EBF1: variants seen among roughly 807,000 people sequenced by gnomAD.
EBF1 encodes the protein EBF transcription factor 1.
In EBF1, 10 loss-of-function variants were observed where a neutral mutation model predicts 68.4. The ratio of observed to expected loss-of-function variants is 0.15; its 90% CI spans 0.09 to 0.25. EBF1 has a LOEUF of 0.25. Ranked by LOEUF, EBF1 falls within the 10% of genes least tolerant of loss-of-function variation. The pLI is 1.00. For missense variants in EBF1, 509 were observed against 794.4 expected (o/e 0.64, Z 4.32); for synonymous variants, 298 against 299.8 (o/e 0.99, Z 0.06).
Position 158,901,714 on chromosome 5 carries a change from T to C in EBF1, c.555-61604A>G, listed in dbSNP as rs144445312. 1.4e-4 allele frequency among the ~76,000 whole-genome samples: 22 copies of C among 152,326 alleles called. No individual in the cohort carries two copies. In the East Asian group the frequency reaches 3.9e-3, roughly 27 times the overall value. On this transcript the variant is annotated intron_variant, in intron 6 of 15. Transcript: ENST00000313708. Reference sequence around the variant, plus strand: ...GTAGGTATTCTTTTAACCCCCTTTTTAGAGATATGAAAAGGGAGGTATAGA... The same window carrying C: ...GTAGGTATTCTTTTAACCCCCTTTTCAGAGATATGAAAAGGGAGGTATAGA...
chr5:159,009,515 T>C (rs1174236156), intron 6 of EBF1, among the ~76,000 whole-genome samples: 1 of 152,150 alleles, frequency 6.6e-6, no homozygotes, highest in Non-Finnish European at 1.5e-5. Flanking sequence ...CCTTAAACTT[T>C]AGAGTGAGAA....
intron 6 of EBF1, among the ~76,000 whole-genome samples, chr5:158,846,023 T>A (rs4704969): frequency 0.77 from 117,519 of 152,156 alleles, 45,880 homozygotes; most frequent in South Asian, 0.88. Context: ...AGACAGGAAA[T>A]GCATCAAGGC....
At chr5:158,775,777 CACACAG>C (rs1251114295) in intron 10 of EBF1, among the ~76,000 whole-genome samples, 11 of 83,760 alleles carry the variant, frequency 1.3e-4, no homozygotes, top group Non-Finnish European at 2.3e-4. Flanking sequence ...CACACACATG[CACACAG>C]ACACACACAC....
intron 7 of EBF1, among the ~76,000 whole-genome samples, chr5:158,839,799 A>G (rs920557471): frequency 1.3e-5 from 2 of 152,204 alleles, no homozygotes; most frequent in African/African-American, 4.8e-5. Context: ...TCAGGCAGCC[A>G]AAACTAGACT....
chr5:159,051,971 C>T (rs1376057109), intron 6 of EBF1, among the ~76,000 whole-genome samples: 4 of 151,680 alleles, frequency 2.6e-5, no homozygotes, highest in Admixed American at 6.6e-5. Context: ...CACAAATCTG[C>T]GTGGTGCACA....
chr5:158,866,305 T>C (rs1274377445), intron 6 of EBF1, among the ~76,000 whole-genome samples: 1 of 152,108 alleles, frequency 6.6e-6, no homozygotes. Flanking sequence ...CCCTAACTCA[T>C]CTGAACTGAG....
intron 11 of EBF1, among the ~76,000 whole-genome samples, chr5:158,729,036 T>C (rs1214187181): frequency 6.6e-6 from 1 of 152,150 alleles, no homozygotes; most frequent in African/African-American, 2.4e-5. Flanking sequence ...TCACCAGGAT[T>C]AGGATTTCCT....
intron 8 of EBF1, 73 bp downstream of exon 8, chr5:158,823,103 G>A (rs376072903): frequency 1.9e-6 from 3 of 1,587,100 alleles, no homozygotes; most frequent in South Asian, 1.1e-5. Context: ...AACATGTGGT[G>A]GAGTGGAAGA....
At chr5:158,723,991 T>C (rs1352400488) in intron 11 of EBF1, among the ~76,000 whole-genome samples, 1 of 152,114 alleles carries the variant, frequency 6.6e-6, no homozygotes, top group African/African-American at 2.4e-5. Flanking sequence ...AGATCCAGGC[T>C]AAACTCCCTG....
chr5:158,737,435 C>T (rs1054883130), intron 10 of EBF1, among the ~76,000 whole-genome samples: 1 of 151,818 alleles, frequency 6.6e-6, no homozygotes, highest in African/African-American at 2.4e-5. Flanking sequence ...AGGCGCCCAC[C>T]ACCACGCCCA....
At chr5:158,801,045 G>A (rs1035906396) in intron 8 of EBF1, among the ~76,000 whole-genome samples, 1 of 152,008 alleles carries the variant, frequency 6.6e-6, no homozygotes, top group African/African-American at 2.4e-5. Flanking sequence ...AAAAGTTTAG[G>A]GTTAGGGGGT....
intron 4 of EBF1, among the ~76,000 whole-genome samples, chr5:159,086,494 T>C (rs1032939623): frequency 1.3e-5 from 2 of 152,324 alleles, no homozygotes; most frequent in South Asian, 2.1e-4. Context: ...TTTCATGACA[T>C]TGATATTTTT....
intron 6 of EBF1, among the ~76,000 whole-genome samples, chr5:158,917,057 G>A (rs1025748866): frequency 1.2e-4 from 18 of 152,162 alleles, no homozygotes; most frequent in African/African-American, 4.1e-4. Context: ...CTAGTGTCCT[G>A]CCTTGCCACT....
At chr5:158,808,093 T>C (rs970288813) in intron 8 of EBF1, among the ~76,000 whole-genome samples, 3 of 152,240 alleles carry the variant, frequency 2.0e-5, no homozygotes, top group African/African-American at 7.2e-5. Context: ...CAATCCAGCG[T>C]TTGTTACAGC....
chr5:158,884,225 C>T (rs373330263), intron 6 of EBF1, among the ~76,000 whole-genome samples: 107 of 152,242 alleles, frequency 7.0e-4, no homozygotes, highest in African/African-American at 2.6e-3. Flanking sequence ...TCAATTTGAT[C>T]AGAATCATCT....
intron 6 of EBF1, among the ~76,000 whole-genome samples, chr5:158,973,764 T>C (rs536165363): frequency 1.5e-4 from 23 of 152,360 alleles, no homozygotes; most frequent in African/African-American, 5.5e-4. Context: ...TTAATTCATA[T>C]TCTATTCTTA....
chr5:159,066,841 C>G (rs1776894345), intron 6 of EBF1, among the ~76,000 whole-genome samples: 1 of 152,130 alleles, frequency 6.6e-6, no homozygotes, highest in South Asian at 2.1e-4. Context: ...CTGTACTGTT[C>G]ACCATATTTC....
intron 6 of EBF1, among the ~76,000 whole-genome samples, chr5:159,057,221 C>A (rs1774942585): frequency 6.6e-6 from 1 of 151,294 alleles, no homozygotes; most frequent in Admixed American, 6.6e-5. Flanking sequence ...ATTCTCCTGC[C>A]TCAGCCTCCT....
At chr5:159,092,923 T>C (rs1021145571) in intron 4 of EBF1, among the ~76,000 whole-genome samples, 3 of 152,190 alleles carry the variant, frequency 2.0e-5, no homozygotes, top group African/African-American at 7.2e-5. Flanking sequence ...ATTTAATCCA[T>C]CAGTTTATAT....
Sources: allele counts gnomAD v4.1 joint callset (sites outside exome capture counted in the v4.1 genomes callset), GRCh38; gene constraint gnomAD v4.1.1; transcripts MANE v1.5; gene names NCBI Gene and HGNC (gene_info 2026-07-23, HGNC 2026-07-21).